Variants in UBE2D1 observed in about 807,000 individuals in gnomAD.
UBE2D1 encodes the protein ubiquitin conjugating enzyme E2 D1, also known as ubiquitin-conjugating enzyme E2 D1.
In UBE2D1, 9 loss-of-function variants were observed where a neutral mutation model predicts 24.6. The observed-to-expected ratio is 0.37, with a 90% CI of 0.22 to 0.64. The LOEUF (loss-of-function observed/expected upper bound fraction) is 0.64, where lower values mean the gene tolerates loss of function less well. UBE2D1 is among the 30% of genes least tolerant of loss of function. The pLI is 0.64. For synonymous variants in UBE2D1, 57 were observed against 57.6 expected (o/e 0.99, Z 0.04); for missense variants, 87 against 177.1 (o/e 0.49, Z 2.89).
At chr10:58,349,915 T>C (rs886377834) in intron 1 of UBE2D1, among the ~76,000 whole-genome samples, 2 of 152,208 alleles carry the variant, frequency 1.3e-5, no homozygotes, top group African/African-American at 4.8e-5. Context: ...TATGTATCTT[T>C]TGTCTCTGGC....
chr10:58,349,326 A>G (rs2132320854), intron 1 of UBE2D1, among the ~76,000 whole-genome samples: 1 of 152,312 alleles, frequency 6.6e-6, no homozygotes, highest in South Asian at 2.1e-4. Flanking sequence ...TGTGGAACAT[A>G]CTTTCACCAG....
At chr10:58,337,691 C>T (rs924799045) in intron 1 of UBE2D1, among the ~76,000 whole-genome samples, 2 of 151,946 alleles carry the variant, frequency 1.3e-5, no homozygotes, top group Non-Finnish European at 2.9e-5. Context: ...ACCTGTGGGA[C>T]GTTTTCAGAC....
chr10:58,342,609 A>G (rs894879964), intron 1 of UBE2D1, among the ~76,000 whole-genome samples: 2 of 151,844 alleles, frequency 1.3e-5, no homozygotes, highest in African/African-American at 4.8e-5. Context: ...ATTTTGCTGT[A>G]TTTTGTTTTC....
intron 1 of UBE2D1, among the ~76,000 whole-genome samples, chr10:58,359,038 A>G (rs1840165478): frequency 6.6e-6 from 1 of 151,582 alleles, no homozygotes; most frequent in African/African-American, 2.4e-5. Context: ...AAAAAGCAAA[A>G]CAAAAATGAA....
chr10:58,361,913 A>G (rs1840203407), intron 3 of UBE2D1, among the ~76,000 whole-genome samples: 1 of 151,868 alleles, frequency 6.6e-6, no homozygotes, highest in East Asian at 1.9e-4. Flanking sequence ...TTGAATTCCT[A>G]CAAGTAACAA....
chr10:58,361,649 GC>G, intron 3 of UBE2D1, 123 bp downstream of exon 3: 1 of 1,298,642 alleles, frequency 7.7e-7, no homozygotes, highest in Non-Finnish European at 1.1e-6. Flanking sequence ...CACCTAGGAA[GC>G]AAAATATTAT....
chr10:58,349,024 T>A (rs2132320590), intron 1 of UBE2D1, among the ~76,000 whole-genome samples: 1 of 152,324 alleles, frequency 6.6e-6, no homozygotes, highest in South Asian at 2.1e-4. Flanking sequence ...AAAATTCAGT[T>A]TCAGACCTTT....
At chr10:58,357,042 G>A (rs1260277822) in intron 1 of UBE2D1, among the ~76,000 whole-genome samples, 3 of 152,082 alleles carry the variant, frequency 2.0e-5, no homozygotes, top group Non-Finnish European at 2.9e-5. Context: ...GGAATAGGAA[G>A]AAATATTCAA....
chr10:58,335,258 G>T, intron 1 of UBE2D1, 33 bp downstream of exon 1: 1 of 1,509,932 alleles, frequency 6.6e-7, no homozygotes, highest in Non-Finnish European at 8.8e-7. Context: ...GGGCTGCGGG[G>T]CAGCGGCCCC....
intron 1 of UBE2D1, among the ~76,000 whole-genome samples, chr10:58,354,912 C>A (rs955198546): frequency 1.3e-5 from 2 of 152,124 alleles, no homozygotes; most frequent in African/African-American, 4.8e-5. Context: ...AAATCCACTG[C>A]ATTAACATAA....
chr10:58,339,555 C>T (rs765894163), intron 1 of UBE2D1, among the ~76,000 whole-genome samples: 3 of 152,072 alleles, frequency 2.0e-5, no homozygotes, highest in East Asian at 1.9e-4. Context: ...TGTTTGTAAT[C>T]GTTACTCTGC....
In UBE2D1 at chr10:58,335,234, C is replaced by T. The variant is rs1441895052; in HGVS notation, c.24+9C>T. 24 of 1,535,392 alleles carry T rather than the reference C, an allele frequency of 1.6e-5. No individual in the cohort carries two copies. Among genetic ancestry groups the T allele is most frequent in the Non-Finnish European group, 2.0e-5 (23 of 1,143,068 alleles). ...TGAAGAGGATTCAGAAAGTGAGTGC[C>T]GGGGCCGGGCCTGGGGCTGCGGGGC... is the stretch of plus-strand genomic sequence containing the variant. On this transcript the variant is annotated intron_variant, in intron 1 of 6. Coordinates refer to ENST00000373910, the MANE Select transcript of UBE2D1 (RefSeq NM_003338.5).
Position 58,363,702 on chromosome 10 carries a change from T to C in UBE2D1, c.198+16T>C. The C allele has an allele frequency of 1.3e-6, 2 of 1,550,886 alleles. No individual in the cohort carries two copies. The highest frequency in any genetic ancestry group is 2.3e-5 in the South Asian group (2 of 88,104). Reference sequence around the variant, plus strand: ...ACCACCAAAGGTATTTTTATTTTTATGATTGATGTGACTCCCATGTAAGAG... The same window carrying C: ...ACCACCAAAGGTATTTTTATTTTTACGATTGATGTGACTCCCATGTAAGAG... On this transcript the variant is annotated intron_variant, in intron 4 of 6. Coordinates refer to ENST00000373910, the MANE Select transcript of UBE2D1 (RefSeq NM_003338.5).
intron 1 of UBE2D1, among the ~76,000 whole-genome samples, chr10:58,338,602 T>G (rs990482816): frequency 1.2e-4 from 18 of 152,216 alleles, no homozygotes; most frequent in South Asian, 6.2e-4. Context: ...ACACTTTTTT[T>G]GGGGAGGATT....
chr10:58,358,569 C>T (rs1207056687), intron 1 of UBE2D1, among the ~76,000 whole-genome samples: 1 of 152,118 alleles, frequency 6.6e-6, no homozygotes, highest in African/African-American at 2.4e-5. Flanking sequence ...TGTATCATTT[C>T]ACTTGGTTGT....
At chr10:58,361,602 G>A in intron 3 of UBE2D1, 76 bp downstream of exon 3, 1 of 1,579,720 alleles carries the variant, frequency 6.3e-7, no homozygotes, top group Non-Finnish European at 8.7e-7. Flanking sequence ...TTGATCAGAT[G>A]TTTGTGATGA....
chr10:58,363,246 A>T (rs1840219950), intron 3 of UBE2D1, among the ~76,000 whole-genome samples: 1 of 152,190 alleles, frequency 6.6e-6, no homozygotes, highest in South Asian at 2.1e-4. Context: ...CGGCTGCAGA[A>T]AATGATCTTT....
At chr10:58,367,103 A>C (rs1305455769) in intron 5 of UBE2D1, among the ~76,000 whole-genome samples, 2 of 152,150 alleles carry the variant, frequency 1.3e-5, no homozygotes, top group African/African-American at 4.8e-5. Context: ...TGTAAGAGTC[A>C]ACTCTGCTCT....
intron 3 of UBE2D1, among the ~76,000 whole-genome samples, chr10:58,361,754 A>C (rs189688007): frequency 5.9e-5 from 9 of 151,550 alleles, no homozygotes; most frequent in African/African-American, 2.2e-4. Flanking sequence ...ATCATTACAC[A>C]TAATGGAGTG....
Sources: gnomAD v4.1 joint callset for allele counts (sites outside exome capture counted in the v4.1 genomes callset) on GRCh38, gnomAD v4.1.1 for gene constraint, MANE v1.5 for transcripts, NCBI Gene and HGNC (gene_info 2026-07-23, HGNC 2026-07-21) for gene names.